The following SOX13 variants were observed in gnomAD, a reference collection of about 807,000 sequenced individuals.
SOX13 encodes the protein transcription factor SOX-13.
A neutral mutation model predicts 71.8 loss-of-function variants in SOX13; 28 were observed. That is an observed-to-expected ratio of 0.39 (90% CI 0.29 to 0.53). The LOEUF (loss-of-function observed/expected upper bound fraction) is 0.53, where lower values mean the gene tolerates loss of function less well. Ranked by LOEUF, SOX13 falls within the 20% of genes least tolerant of loss-of-function variation. The pLI, the probability that SOX13 is intolerant of heterozygous loss-of-function variation, is 0.70. For synonymous variants in SOX13, 309 were observed against 317.8 expected, an observed-to-expected ratio of 0.97 and a Z score of 0.29; for missense variants, 627 against 810.3, an observed-to-expected ratio of 0.77 and a Z score of 2.75.
At chr1:204,119,400 T>A (rs1357079129) in intron 7 of SOX13, 2 of 152,100 alleles carry the variant, frequency 1.3e-5, no homozygotes, top group Non-Finnish European at 2.9e-5. Context: ...ACAGATGGCG[T>A]CTCTCACTGT....
At chr1:204,115,606 C>T (rs1314122688) in intron 4 of SOX13, among the ~76,000 whole-genome samples, 1 of 146,838 alleles carries the variant, frequency 6.8e-6, no homozygotes, top group Non-Finnish European at 1.5e-5. Context: ...GGTTGAGGAC[C>T]ATGTGCCAGA....
At chr1:204,112,726 G>A (rs115814482) in intron 1 of SOX13, among the ~76,000 whole-genome samples, 189 bp from the exon 2 acceptor site, 265 of 152,340 alleles carry the variant, frequency 1.7e-3, no homozygotes, top group African/African-American at 5.8e-3. Context: ...AAAAGCATGA[G>A]GGATACAAGA....
At chr1:204,087,611 C>G (rs558938162) in intron 1 of SOX13, among the ~76,000 whole-genome samples, 14 of 152,360 alleles carry the variant, frequency 9.2e-5, no homozygotes, top group Non-Finnish European at 1.6e-4. Flanking sequence ...CACTTAGCCA[C>G]TTGGAGCCTT....
At position 204,123,284 on chromosome 1, in the gene SOX13, C is replaced by G. The variant is rs1257034907; in HGVS notation, c.1231+76C>G. ...CCACCAGGGCCAGGGCTGTGTCTGCCTCTGATCTCTTCCCTCCCTTGGTCT... is the reference window on the plus strand; with the variant it reads ...CCACCAGGGCCAGGGCTGTGTCTGCGTCTGATCTCTTCCCTCCCTTGGTCT... On this transcript the variant is annotated intron_variant, in intron 11 of 13. Coordinates refer to ENST00000367204, the MANE Select transcript of SOX13 (RefSeq NM_005686.3). The surrounding 1 kb of genome is among the most constrained non-coding windows in gnomAD (Gnocchi z 5.0). 4.2e-6 allele frequency: 5 copies of G among 1,182,506 alleles called. No individual in the cohort carries two copies. The highest frequency in any genetic ancestry group is 1.2e-5 in the South Asian group (1 of 81,656). 73.3% of individuals were successfully genotyped at this position (1,182,506 alleles called of 1,614,324 possible).
Position 204,114,551 on chromosome 1 carries a change from G to T in SOX13, c.364G>T (p.Asp122Tyr). ...VPAIEKLLSS[D>Y]WKERFLGRNS... is the part of the protein sequence containing the mutation. ...AGCCATAGAGAAGCTGTTGTCCAGT[G>T]ACTGGAAGGAGAGGTTTCTAGGAAG... is the stretch of plus-strand genomic sequence containing the variant. Residue 122 changes from aspartate (D) to tyrosine (Y), a missense_variant, in exon 4 of 14, where the codon GAC (aspartate) becomes TAC (tyrosine). By Grantham distance (160) the Asp-to-Tyr change is radical. Coordinates refer to ENST00000367204, the MANE Select transcript of SOX13 (RefSeq NM_005686.3). 1 of 1,613,896 alleles carries T rather than the reference G, an allele frequency of 6.2e-7. No individual in the cohort carries two copies. Among genetic ancestry groups the T allele is most frequent in the South Asian group, 1.1e-5 (1 of 91,074 alleles).
intron 4 of SOX13, chr1:204,116,103 G>T: frequency 8.9e-7 from 1 of 1,124,610 alleles, no homozygotes; most frequent in Non-Finnish European, 1.1e-6. Context: ...GGGTTGAAAT[G>T]GGAATTTGAC....
intron 4 of SOX13, among the ~76,000 whole-genome samples, chr1:204,114,905 A>G (rs1002984164): frequency 6.6e-6 from 1 of 152,210 alleles, no homozygotes; most frequent in African/African-American, 2.4e-5. Flanking sequence ...TCTAACCGCA[A>G]AATGAGCAGA....
chr1:204,078,636 A>G (rs1159697064), intron 1 of SOX13, among the ~76,000 whole-genome samples: 1 of 152,190 alleles, frequency 6.6e-6, no homozygotes, highest in Non-Finnish European at 1.5e-5. Context: ...CAGGGAGGCC[A>G]TCACAGTGCC....
At position 204,123,315 on chromosome 1, in the gene SOX13, G is replaced by A; in HGVS notation, c.1231+107G>A. 1 of 902,196 alleles carries A rather than the reference G, an allele frequency of 1.1e-6. No homozygotes were observed. Among genetic ancestry groups the A allele is most frequent in the Non-Finnish European group, 1.8e-6 (1 of 546,020 alleles). The allele number at this position is 902,196 out of a possible 1,614,324, so 55.9% of individuals were successfully genotyped here. The stretch of plus-strand genomic sequence containing the variant: ...TCTCTTCCCTCCCTTGGTCTGTTGG[G>A]TCCTTTCCAGGTGTGTGTGCCTCTG... On this transcript the variant is annotated intron_variant, in intron 11 of 13. Transcript: ENST00000367204. This position sits in a 1 kb window ranked among gnomAD's most constrained non-coding sequence, Gnocchi z 5.0.
intron 1 of SOX13, among the ~76,000 whole-genome samples, chr1:204,110,990 C>T (rs1007537724): frequency 6.6e-6 from 1 of 152,032 alleles, no homozygotes; most frequent in African/African-American, 2.4e-5. Context: ...TAAACCTGAT[C>T]CCTGGCCTAA....
chr1:204,121,601 G>A (rs1383722954), intron 7 of SOX13, among the ~76,000 whole-genome samples: 2 of 152,166 alleles, frequency 1.3e-5, no homozygotes, highest in Non-Finnish European at 2.9e-5. Context: ...GGATGAATAG[G>A]TGTTTTACCC....
chr1:204,104,263 C>T lies in SOX13; in HGVS notation c.-1-8652C>T, dbSNP rs115168614. Among the ~76,000 whole-genome samples the T allele has an allele frequency of 5.1e-3, 769 of 152,276 alleles. 5 individuals carry two copies. The highest frequency in any genetic ancestry group is 0.017 in the African/African-American group (699 of 41,544). On this transcript the variant is annotated intron_variant, in intron 1 of 13. Coordinates refer to ENST00000367204, the MANE Select transcript of SOX13 (RefSeq NM_005686.3). Reference sequence around the variant, plus strand: ...AGCCGAGGGAGTGTTGGCTGTGGCCCCCCTGAGCTGGGCTAGACCAGACCG... The same window carrying T: ...AGCCGAGGGAGTGTTGGCTGTGGCCTCCCTGAGCTGGGCTAGACCAGACCG...
chr1:204,100,034 A>G (rs2102240550), intron 1 of SOX13, among the ~76,000 whole-genome samples: 1 of 152,290 alleles, frequency 6.6e-6, no homozygotes, highest in Admixed American at 6.5e-5. Context: ...GCTACTTGTG[A>G]GGCTGAGGTG....
intron 1 of SOX13, among the ~76,000 whole-genome samples, chr1:204,079,546 A>G (rs978251522): frequency 5.3e-5 from 8 of 151,962 alleles, no homozygotes; most frequent in East Asian, 3.9e-4. Flanking sequence ...GGGTTTCACC[A>G]TGTTGGCCAT....
At chr1:204,118,144 G>T in intron 7 of SOX13, 1 of 166,558 alleles carries the variant, frequency 6.0e-6, no homozygotes. Flanking sequence ...AAAATTAGCT[G>T]GGTGTGGTGG....
chr1:204,098,759 C>T (rs1031494694), intron 1 of SOX13, among the ~76,000 whole-genome samples: 1 of 152,086 alleles, frequency 6.6e-6, no homozygotes, highest in Non-Finnish European at 1.5e-5. Flanking sequence ...GTCTGGGCAG[C>T]CTGGAGCCCT....
At chr1:204,112,310 G>A (rs1045742679) in intron 1 of SOX13, among the ~76,000 whole-genome samples, 14 of 151,912 alleles carry the variant, frequency 9.2e-5, no homozygotes, top group East Asian at 1.9e-4. Context: ...GGGTGGTGGC[G>A]TGTGCCTGTA....
intron 1 of SOX13, among the ~76,000 whole-genome samples, chr1:204,103,672 T>G (rs1036094567): frequency 6.6e-6 from 1 of 152,234 alleles, no homozygotes; most frequent in African/African-American, 2.4e-5. Flanking sequence ...CTCCCAGCCC[T>G]AGGCTGGGCA....
chr1:204,103,209 C>A (rs1231176146), intron 1 of SOX13, among the ~76,000 whole-genome samples: 1 of 152,260 alleles, frequency 6.6e-6, no homozygotes, highest in Non-Finnish European at 1.5e-5. Context: ...TTTCCCCCAA[C>A]TTGCCAGAGC....
Sources: allele counts gnomAD v4.1 joint callset (sites outside exome capture counted in the v4.1 genomes callset), GRCh38; gene constraint gnomAD v4.1.1; non-coding constraint Gnocchi (gnomAD v3.1); transcripts MANE v1.5; gene names NCBI Gene and HGNC (gene_info 2026-07-23, HGNC 2026-07-21).